Variants in TTLL7 observed in about 807,000 individuals in gnomAD.
The protein encoded by TTLL7 is tubulin polyglutamylase TTLL7.
Under a neutral mutation model 120.2 loss-of-function variants are expected in TTLL7, and 53 were observed. That is an observed-to-expected ratio of 0.44 (90% CI 0.35 to 0.55). The LOEUF (loss-of-function observed/expected upper bound fraction) is 0.55. TTLL7 is among the 20% of genes least tolerant of loss of function. The pLI, the probability that TTLL7 is intolerant of heterozygous loss-of-function variation, is 0.00. For missense variants in TTLL7, 803 were observed against 1,054.7 expected (o/e 0.76, Z 3.31); for synonymous variants, 353 against 351.7 (o/e 1.00, Z -0.04).
intron 19 of TTLL7, among the ~76,000 whole-genome samples, chr1:83,888,137 T>C (rs969235004): frequency 6.6e-6 from 1 of 152,030 alleles, no homozygotes; most frequent in African/African-American, 2.4e-5. Flanking sequence ...AGATTATCTA[T>C]GGACTCAGAG....
At chr1:83,886,869 A>G (rs1411114402) in intron 19 of TTLL7, among the ~76,000 whole-genome samples, 1 of 152,028 alleles carries the variant, frequency 6.6e-6, no homozygotes, top group Non-Finnish European at 1.5e-5. Context: ...TTTGAGTCCC[A>G]TAGAACCTCA....
chr1:83,986,487 G>A (rs1652455214), intron 1 of TTLL7, among the ~76,000 whole-genome samples: 1 of 152,086 alleles, frequency 6.6e-6, no homozygotes, highest in African/African-American at 2.4e-5. Context: ...GTAAAGAGCA[G>A]GTACAAAAAA....
intron 16 of TTLL7, 74 bp from the exon 17 acceptor site, chr1:83,906,537 C>G (rs778572341): frequency 6.3e-7 from 1 of 1,597,506 alleles, no homozygotes; most frequent in Admixed American, 1.7e-5. Flanking sequence ...AAAGATATTT[C>G]TAGGTAAAAA....
At position 83,933,669 on chromosome 1, in the gene TTLL7, C is replaced by T; in HGVS notation, c.986G>A (p.Cys329Tyr). ...PGQPPGSESV[C>Y]FEVLGFDILL... ...AATATCAAATCCCAGGACTTCAAAGCAGACACTTTCGCTTCCTGGAGGTTG... is the reference window on the plus strand; with the variant it reads ...AATATCAAATCCCAGGACTTCAAAGTAGACACTTTCGCTTCCTGGAGGTTG... The change falls in exon 9 of 21, where the codon TGC becomes TAC. Residue 329 changes from cysteine to tyrosine, a missense_variant. By Grantham distance (194) the Cys-to-Tyr change is radical. Transcript: ENST00000260505. 6.2e-7 allele frequency: 1 copy of T among 1,613,804 alleles called. No individual in the cohort carries two copies. The highest frequency in any genetic ancestry group is 8.5e-7 in the Non-Finnish European group (1 of 1,179,788).
intron 14 of TTLL7, among the ~76,000 whole-genome samples, chr1:83,914,395 G>A (rs892626310): frequency 3.0e-5 from 4 of 132,068 alleles, no homozygotes; most frequent in South Asian, 5.0e-4. Context: ...GCAGTGGCGC[G>A]ATCTTGGCTC....
chr1:83,944,009 A>G (rs1054632949), intron 6 of TTLL7, among the ~76,000 whole-genome samples: 2 of 152,180 alleles, frequency 1.3e-5, no homozygotes, highest in African/African-American at 4.8e-5. Context: ...ATAATAACTG[A>G]GATAAAAAAA....
rs772245792 is a variant in TTLL7, at chr1:83,937,819, G to C, written c.888+33C>G. On this transcript the variant is annotated intron_variant, in intron 8 of 20. Coordinates refer to ENST00000260505, the MANE Select transcript of TTLL7 (RefSeq NM_024686.6). ...ATGCTTCAAATTATTGCTGAGGAAA[G>C]ACTGTTATAATTGTGGAATGGCATA... 10 of 1,608,084 alleles carry C rather than the reference G, an allele frequency of 6.2e-6. No homozygotes were observed. In the South Asian group the frequency reaches 9.9e-5, roughly 16 times the overall value.
chr1:83,911,436 T>C, intron 14 of TTLL7, 73 bp from the exon 15 acceptor site: 1 of 1,234,424 alleles, frequency 8.1e-7, no homozygotes, highest in Non-Finnish European at 1.1e-6. Context: ...AGTTACTATT[T>C]TTAATTTCCC....
intron 9 of TTLL7, among the ~76,000 whole-genome samples, chr1:83,933,333 A>G (rs1659763951): frequency 6.6e-6 from 1 of 152,200 alleles, no homozygotes. Context: ...GCAAGTAAGC[A>G]ACAAAACAGT....
chr1:83,880,419 A>G (rs1203127378), intron 20 of TTLL7: 2 of 151,996 alleles, frequency 1.3e-5, no homozygotes, highest in Non-Finnish European at 2.9e-5. Flanking sequence ...AATACTTTCT[A>G]TTAAAAATAT....
At chr1:83,920,583 G>T (rs1658556736) in intron 12 of TTLL7, 1 of 131,290 alleles carries the variant, frequency 7.6e-6, no homozygotes, top group African/African-American at 2.9e-5. Context: ...TCAAAAGTTG[G>T]AAAGTGGGCA....
chr1:83,938,501 A>G (rs1479419438), intron 7 of TTLL7, among the ~76,000 whole-genome samples: 2 of 152,170 alleles, frequency 1.3e-5, no homozygotes, highest in East Asian at 3.9e-4. Context: ...AGGCAGGACT[A>G]CCAAACACAA....
intron 1 of TTLL7, among the ~76,000 whole-genome samples, chr1:83,998,201 C>T (rs527938798): frequency 4.9e-4 from 75 of 152,282 alleles, no homozygotes; most frequent in African/African-American, 1.7e-3. Context: ...TTTAACTTCC[C>T]TGCTCCTCAG....
At chr1:83,870,125 ATAAC>A (rs1201622021) in intron 20 of TTLL7, 43 bp from the exon 21 acceptor site, 12 of 1,517,784 alleles carry the variant, frequency 7.9e-6, no homozygotes, top group Non-Finnish European at 1.1e-5. Context: ...CAAGCAAATT[ATAAC>A]TAACTCACTA....
intron 1 of TTLL7, among the ~76,000 whole-genome samples, chr1:83,990,897 C>T (rs1214673605): frequency 3.3e-5 from 5 of 152,164 alleles, no homozygotes. Context: ...TTTGCATGCC[C>T]ATGTTCATAG....
chr1:83,918,099 A>C (rs969258412), intron 13 of TTLL7, among the ~76,000 whole-genome samples: 6 of 152,168 alleles, frequency 3.9e-5, no homozygotes, highest in Admixed American at 3.9e-4. Flanking sequence ...CTCCAGACAG[A>C]AAACTGATAA....
intron 16 of TTLL7, 150 bp downstream of exon 16, chr1:83,907,306 G>T: frequency 1.7e-6 from 1 of 589,966 alleles, no homozygotes; most frequent in Non-Finnish European, 3.0e-6. Flanking sequence ...TAAATTGTAG[G>T]CTAAGGTAGG....
chr1:83,957,649 TAGA>T (rs1649644740), intron 1 of TTLL7, among the ~76,000 whole-genome samples: 1 of 152,194 alleles, frequency 6.6e-6, no homozygotes, highest in African/African-American at 2.4e-5. Context: ...TTCTACCTAT[TAGA>T]AGAAGTATGG....
At chr1:83,944,186 C>T (rs1648250067) in intron 6 of TTLL7, among the ~76,000 whole-genome samples, 3 of 151,932 alleles carry the variant, frequency 2.0e-5, no homozygotes, top group African/African-American at 7.3e-5. Flanking sequence ...GCAACACACA[C>T]ATAACAGGAG....
Sources: allele counts gnomAD v4.1 joint callset (sites outside exome capture counted in the v4.1 genomes callset), GRCh38; gene constraint gnomAD v4.1.1; transcripts MANE v1.5; gene names NCBI Gene and HGNC (gene_info 2026-07-23, HGNC 2026-07-21).